The following MAP2K5 variants were observed in gnomAD, a reference collection of about 807,000 sequenced individuals.
MAP2K5 encodes mitogen-activated protein kinase kinase 5.
In MAP2K5, 49 loss-of-function variants were observed where a neutral mutation model predicts 83.1. The observed-to-expected ratio is 0.59, with a 90% CI of 0.47 to 0.75. The LOEUF (loss-of-function observed/expected upper bound fraction) is 0.75. MAP2K5 is among the 30% of genes least tolerant of loss of function. MAP2K5 has a pLI of 0.00. For synonymous variants in MAP2K5, 202 were observed against 191.8 expected (o/e 1.05, Z -0.44); for missense variants, 457 against 557.5 (o/e 0.82, Z 1.82).
rs2088944078 is a variant in MAP2K5 at position 67,720,875 on chromosome 15, T to G, written c.1045-7041T>G. 6.6e-6 allele frequency among the ~76,000 whole-genome samples: 1 copy of G among 152,204 alleles called. No individual in the cohort carries two copies. The highest frequency in any genetic ancestry group is 1.5e-5 in the Non-Finnish European group (1 of 68,032). On this transcript the variant is annotated intron_variant, in intron 16 of 21. Transcript: ENST00000178640. The surrounding 1 kb of genome is among the most constrained non-coding windows in gnomAD (Gnocchi z 5.7). Reference sequence around the variant, plus strand: ...ATAACCCTATATTAGGTGAAGATTGTGAACTAAGCTGCAATAAAGTGTAAG... The same window carrying G: ...ATAACCCTATATTAGGTGAAGATTGGGAACTAAGCTGCAATAAAGTGTAAG...
At chr15:67,694,719 C>G (rs12102226) in intron 15 of MAP2K5, among the ~76,000 whole-genome samples, 24,606 of 151,748 alleles carry the variant, frequency 0.16, 2,065 homozygotes, top group East Asian at 0.22. Context: ...CAGGGATCTA[C>G]AACTAGAAAT....
At chr15:67,680,266 GAAT>G (rs1453925473) in intron 13 of MAP2K5, among the ~76,000 whole-genome samples, 1 of 152,124 alleles carries the variant, frequency 6.6e-6, no homozygotes. Flanking sequence ...GGACGATTAT[GAAT>G]AATACTACTT....
At chr15:67,628,156 C>A in intron 8 of MAP2K5, 1 of 988,710 alleles carries the variant, frequency 1.0e-6, no homozygotes, top group Non-Finnish European at 1.6e-6. Flanking sequence ...GCCCACTTAA[C>A]TGTGAAAAAG....
chr15:67,579,555 G>C (rs1263912549), intron 3 of MAP2K5, among the ~76,000 whole-genome samples: 2 of 152,254 alleles, frequency 1.3e-5, no homozygotes, highest in East Asian at 3.9e-4. Context: ...ACCCTTTGGA[G>C]AGCTGGGTAC....
chr15:67,588,742 G>A (rs2085335978), intron 6 of MAP2K5, among the ~76,000 whole-genome samples: 1 of 151,982 alleles, frequency 6.6e-6, no homozygotes, highest in Admixed American at 6.6e-5. Context: ...TCTCTTCTTT[G>A]GATATCTCAG....
chr15:67,688,630 C>T (rs1487405913), intron 13 of MAP2K5, among the ~76,000 whole-genome samples: 1 of 152,082 alleles, frequency 6.6e-6, no homozygotes, highest in Non-Finnish European at 1.5e-5. Context: ...TGGTTGATTA[C>T]CAATTGATAA....
rs879766329 is a variant in MAP2K5, at chr15:67,686,892, A to AT, written c.848-5578dup. Among the ~76,000 whole-genome samples, 43 of 151,484 alleles carry AT rather than the reference A, an allele frequency of 2.8e-4. No individual in the cohort carries two copies. The East Asian group carries it at 2.9e-3, about 10-fold the overall frequency. Reference sequence around the variant, plus strand: ...AAACAGAATGAACAAAGGTTTAATGATTTTTTTTTGAGACAGTGGTTAAAA... The same window carrying AT: ...AAACAGAATGAACAAAGGTTTAATGATTTTTTTTTTGAGACAGTGGTTAAAA... On this transcript the variant is annotated intron_variant, in intron 13 of 21. Coordinates refer to ENST00000178640, the MANE Select transcript of MAP2K5 (RefSeq NM_145160.3).
rs376594232 is a variant in MAP2K5, at chr15:67,804,521, C to T, written c.1243-2125C>T. Among the ~76,000 whole-genome samples, 25 of 152,376 alleles carry T rather than the reference C, an allele frequency of 1.6e-4. 2 individuals are homozygous for T. The highest frequency in any genetic ancestry group is 6.5e-4 in the Admixed American group (10 of 15,308). On this transcript the variant is annotated intron_variant, in intron 21 of 21. Coordinates refer to ENST00000178640, the MANE Select transcript of MAP2K5 (RefSeq NM_145160.3). ...TGGCTGCAGCTGAGCAGCCCTCTCC[C>T]CTCGCCTACCGGGGCACTTGGGCAA...
Position 67,652,254 on chromosome 15 carries a change from C to T in MAP2K5, c.736+5785C>T, listed in dbSNP as rs1567336915. On this transcript the variant is annotated intron_variant, in intron 11 of 21. Transcript: ENST00000178640. The surrounding 1 kb of genome is among the most constrained non-coding windows in gnomAD (Gnocchi z 4.2). ...GTTTTTTTTAAATTATGATATAATA[C>T]TCATACAAAAATTTTAACCTTATTA... Among the ~76,000 whole-genome samples, 1 of 152,036 alleles carries T rather than the reference C, an allele frequency of 6.6e-6. No individual in the cohort carries two copies. Among genetic ancestry groups the T allele is most frequent in the African/African-American group, 2.4e-5 (1 of 41,378 alleles).
intron 19 of MAP2K5, among the ~76,000 whole-genome samples, chr15:67,766,527 C>CT (rs2141296539): frequency 6.6e-6 from 1 of 152,308 alleles, no homozygotes; most frequent in South Asian, 2.1e-4. Context: ...GCAGCAACTG[C>CT]TTTACTAGAG....
At chr15:67,730,381 A>G (rs2141250550) in intron 17 of MAP2K5, among the ~76,000 whole-genome samples, 1 of 152,338 alleles carries the variant, frequency 6.6e-6, no homozygotes, top group East Asian at 1.9e-4. Flanking sequence ...GACAAACAGA[A>G]TGGCTGATTT....
Position 67,708,990 on chromosome 15 carries a change from T to C in MAP2K5, c.1044+5582T>C, listed in dbSNP as rs2088625105. Among the ~76,000 whole-genome samples, 1 of 152,204 alleles carries C rather than the reference T, an allele frequency of 6.6e-6. No individual in the cohort carries two copies. Among genetic ancestry groups the C allele is most frequent in the Non-Finnish European group, 1.5e-5 (1 of 68,030 alleles). On this transcript the variant is annotated intron_variant, in intron 16 of 21. Transcript: ENST00000178640. The surrounding 1 kb of genome is among the most constrained non-coding windows in gnomAD (Gnocchi z 4.9). Reference sequence around the variant, plus strand: ...ATGTAGTATTTGGAGTTGGCAGATGTAACAAAAAGATGGAAGTTATCCTTA... The same window carrying C: ...ATGTAGTATTTGGAGTTGGCAGATGCAACAAAAAGATGGAAGTTATCCTTA...
chr15:67,751,972 T>C (rs1229643975), intron 19 of MAP2K5, among the ~76,000 whole-genome samples: 1 of 152,174 alleles, frequency 6.6e-6, no homozygotes, highest in Non-Finnish European at 1.5e-5. Flanking sequence ...ATTGCCTCTG[T>C]TCTCTATGGG....
At position 67,806,693 on chromosome 15, in the gene MAP2K5, G is replaced by A. The variant is rs1255192480; in HGVS notation, c.1290G>A (p.Val430=). The change falls in exon 22 of 22, where the codon GTG becomes GTA. Residue 430 remains valine (V), a synonymous_variant. Transcript: ENST00000178640. The part of the protein sequence containing the change: ...VQFNDGNAAV[V]SMWVCRALEE... ...TCAATGATGGAAATGCCGCCGTGGT[G>A]TCCATGTGGGTGTGCCGGGCGCTGG... 1.3e-6 allele frequency: 2 copies of A among 1,551,720 alleles called. No individual in the cohort carries two copies. Among genetic ancestry groups the A allele is most frequent in the African/African-American group, 2.7e-5 (2 of 73,130 alleles).
intron 3 of MAP2K5, among the ~76,000 whole-genome samples, chr15:67,579,048 A>G (rs1368153550): frequency 6.6e-6 from 1 of 152,230 alleles, no homozygotes; most frequent in Non-Finnish European, 1.5e-5. Context: ...CATTAACTAT[A>G]GGAGAACACC....
intron 17 of MAP2K5, among the ~76,000 whole-genome samples, chr15:67,745,400 T>C (rs1470784423): frequency 2.0e-5 from 3 of 152,230 alleles, no homozygotes; most frequent in African/African-American, 4.8e-5. Context: ...CCACTTTTAA[T>C]GTGCTATAAA....
intron 9 of MAP2K5, among the ~76,000 whole-genome samples, chr15:67,641,213 A>G (rs2086704208): frequency 6.6e-6 from 1 of 152,194 alleles, no homozygotes; most frequent in Non-Finnish European, 1.5e-5. Context: ...AGCATTGTAT[A>G]TTGCATGTGC....
intron 11 of MAP2K5, among the ~76,000 whole-genome samples, chr15:67,656,992 C>T (rs954647206): frequency 2.0e-5 from 3 of 152,090 alleles, no homozygotes; most frequent in Admixed American, 6.5e-5. Context: ...TCACCTATGA[C>T]GTTTATCTCT....
intron 21 of MAP2K5, among the ~76,000 whole-genome samples, chr15:67,776,793 CTAAGGTCAGGATGT>C (rs2090247586): frequency 6.6e-6 from 1 of 152,172 alleles, no homozygotes. Flanking sequence ...TATTTGGTAG[CTAAGGTCAGGATGT>C]GACTTAGCCG....
Sources: gnomAD v4.1 joint callset for allele counts (sites outside exome capture counted in the v4.1 genomes callset) on GRCh38, gnomAD v4.1.1 for gene constraint, Gnocchi (gnomAD v3.1) non-coding constraint, MANE v1.5 for transcripts, NCBI Gene and HGNC (gene_info 2026-07-23, HGNC 2026-07-21) for gene names.